Variants in PSD3 observed in about 807,000 individuals in gnomAD.
The protein encoded by PSD3 is PH and SEC7 domain-containing protein 3.
Under a neutral mutation model 105.5 loss-of-function variants are expected in PSD3, and 49 were observed. The observed-to-expected ratio is 0.46, with a 90% confidence interval of 0.37 to 0.59. The LOEUF is 0.59. PSD3 is among the 20% of genes least tolerant of loss of function. PSD3 has a pLI of 0.00. For missense variants in PSD3, 1,561 were observed against 1,263.8 expected, an observed-to-expected ratio of 1.24 and a Z score of -3.57; for synonymous variants, 557 against 457.8, an observed-to-expected ratio of 1.22 and a Z score of -2.77.
chr8:18,751,895 CTGGACGCGG>C (rs1805523542), intron 9 of PSD3, among the ~76,000 whole-genome samples: 1 of 148,786 alleles, frequency 6.7e-6, no homozygotes, highest in African/African-American at 2.6e-5. Context: ...TAACTGGGAT[CTGGACGCGG>C]TGGCTCACGC....
intron 2 of PSD3, among the ~76,000 whole-genome samples, chr8:18,904,003 A>T (rs762919943): frequency 1.3e-5 from 2 of 152,192 alleles, no homozygotes; most frequent in African/African-American, 2.4e-5. Context: ...AGTGCTATAA[A>T]GGAACACCCG....
At position 18,997,658 on chromosome 8, in the gene PSD3, G is replaced by A. The variant is rs772077886; in HGVS notation, c.21+15905C>T. On this transcript the variant is annotated intron_variant, in intron 1 of 15. Coordinates refer to ENST00000327040, the MANE Select transcript of PSD3 (RefSeq NM_015310.4). ...CCCACAGGACCTGGCGACGGTGTCC[G>A]GTCCGACCCCACTGCTCACTGTGCT... is the stretch of plus-strand genomic sequence containing the variant. 3.9e-5 allele frequency among the ~76,000 whole-genome samples: 6 copies of A among 151,972 alleles called. No homozygotes were observed. In the South Asian group the frequency reaches 1.3e-3, roughly 32 times the overall value.
intron 9 of PSD3, among the ~76,000 whole-genome samples, chr8:18,712,580 A>G (rs1022279542): frequency 2.0e-5 from 3 of 152,184 alleles, no homozygotes; most frequent in Non-Finnish European, 2.9e-5. Context: ...TGAATCAGGA[A>G]GTGGTTGAAT....
At chr8:18,960,247 G>A (rs982922647) in intron 1 of PSD3, among the ~76,000 whole-genome samples, 1 of 152,166 alleles carries the variant, frequency 6.6e-6, no homozygotes, top group African/African-American at 2.4e-5. Flanking sequence ...AATTATGAAT[G>A]TCAGAATGCA....
chr8:18,606,271 G>T (rs535375936), intron 11 of PSD3, among the ~76,000 whole-genome samples: 32 of 151,638 alleles, frequency 2.1e-4, no homozygotes, highest in Non-Finnish European at 4.0e-4. Flanking sequence ...CCATCTCTCT[G>T]TACTTGTGTG....
intron 1 of PSD3, among the ~76,000 whole-genome samples, chr8:19,074,611 A>ATATATATAT (rs1324257417): frequency 2.5e-3 from 61 of 24,124 alleles, no homozygotes; most frequent in Non-Finnish European, 3.5e-3. Flanking sequence ...ATATATATAT[A>ATATATATAT]TTTTTTTTTT....
At position 18,871,974 on chromosome 8, in the gene PSD3, T is replaced by C. The variant is rs1563369326; in HGVS notation, c.890A>G (p.Lys297Arg). ...TTCCACTCCTTGAAATTCCACATGT[T>C]TGACCCGGCCTGGGCGTCCCATGGA... is the stretch of plus-strand genomic sequence containing the variant. ...SSSMGRPGRV[K>R]HVEFQGVEIL... The change falls in exon 3 of 16, where the codon AAA (lysine) becomes AGA (arginine). Residue 297 changes from lysine (K) to arginine (R), a missense_variant. Physicochemically the swap from Lys to Arg is conservative, Grantham distance 26. Transcript: ENST00000327040. The C allele has an allele frequency of 6.2e-7, 1 of 1,614,168 alleles. No homozygotes were observed.
At chr8:18,638,509 G>C (rs998576215) in intron 10 of PSD3, among the ~76,000 whole-genome samples, 1 of 150,610 alleles carries the variant, frequency 6.6e-6, no homozygotes, top group Non-Finnish European at 1.5e-5. Context: ...AAAGAATTAA[G>C]AAAACAATCC....
At chr8:18,539,092 T>G (rs1800002184) in intron 15 of PSD3, among the ~76,000 whole-genome samples, 1 of 152,246 alleles carries the variant, frequency 6.6e-6, no homozygotes, top group Non-Finnish European at 1.5e-5. Context: ...TAGATTTTAC[T>G]GAACCAAACC....
intron 1 of PSD3, among the ~76,000 whole-genome samples, chr8:19,024,624 C>T (rs998571494): frequency 2.0e-5 from 3 of 152,242 alleles, no homozygotes; most frequent in South Asian, 4.2e-4. Flanking sequence ...CCCTAGACTG[C>T]CCAAGGATGG....
At chr8:18,601,149 T>A (rs963180484) in intron 11 of PSD3, among the ~76,000 whole-genome samples, 9 of 152,244 alleles carry the variant, frequency 5.9e-5, no homozygotes, top group Non-Finnish European at 1.0e-4. Flanking sequence ...TAATTAATTA[T>A]TTCAGAAGTC....
chr8:18,624,132 A>T (rs889932470), intron 11 of PSD3, among the ~76,000 whole-genome samples: 1 of 152,186 alleles, frequency 6.6e-6, no homozygotes, highest in Admixed American at 6.5e-5. Context: ...ATACACCCTT[A>T]TGACTAATTA....
chr8:18,959,574 G>A (rs910345488), intron 1 of PSD3, among the ~76,000 whole-genome samples: 2 of 125,218 alleles, frequency 1.6e-5, no homozygotes, highest in Non-Finnish European at 3.6e-5. Context: ...TCATGTCCTC[G>A]GTATTTAATG....
At chr8:18,625,345 C>CGATA (rs1252924654) in intron 11 of PSD3, among the ~76,000 whole-genome samples, 1 of 152,110 alleles carries the variant, frequency 6.6e-6, no homozygotes, top group Non-Finnish European at 1.5e-5. Context: ...ACCCATCATC[C>CGATA]TATCTGTATG....
intron 1 of PSD3, among the ~76,000 whole-genome samples, chr8:18,970,088 G>A (rs1824535022): frequency 6.6e-6 from 1 of 151,884 alleles, no homozygotes. Context: ...CACTTTGGGA[G>A]GCCAAGTTGG....
chr8:18,765,991 AAC>A (rs1462869947), intron 8 of PSD3, among the ~76,000 whole-genome samples: 1 of 150,550 alleles, frequency 6.6e-6, no homozygotes, highest in Non-Finnish European at 1.5e-5. Context: ...AAAAACAAAA[AAC>A]AGACAAACAA....
intron 9 of PSD3, among the ~76,000 whole-genome samples, chr8:18,687,865 C>G (rs1471997794): frequency 6.6e-6 from 1 of 152,022 alleles, no homozygotes; most frequent in East Asian, 1.9e-4. Context: ...CTCCCGGGTT[C>G]AAGTAATTCT....
intron 1 of PSD3, among the ~76,000 whole-genome samples, chr8:18,959,530 C>T (rs1315614088): frequency 6.6e-6 from 1 of 152,100 alleles, no homozygotes; most frequent in Non-Finnish European, 1.5e-5. Context: ...TCATTGCTCA[C>T]GACACTAAGC....
chr8:18,789,038 A>G (rs1045638237), intron 8 of PSD3, among the ~76,000 whole-genome samples: 1 of 152,214 alleles, frequency 6.6e-6, no homozygotes, highest in African/African-American at 2.4e-5. Flanking sequence ...AAAGCTCAAC[A>G]TTTAGGAATA....
Sources: allele counts gnomAD v4.1 joint callset (sites outside exome capture counted in the v4.1 genomes callset), GRCh38; gene constraint gnomAD v4.1.1; transcripts MANE v1.5; gene names NCBI Gene and HGNC (gene_info 2026-07-23, HGNC 2026-07-21).